The following IL1RAP variants were observed in gnomAD, a reference collection of about 807,000 sequenced individuals.
IL1RAP encodes interleukin 1 receptor accessory protein.
Under a neutral mutation model 60.7 loss-of-function variants are expected in IL1RAP, and 35 were observed. The observed-to-expected ratio is 0.58, with a 90% CI of 0.44 to 0.76. The LOEUF is 0.76. Among genes scored for constraint, IL1RAP ranks in the 30% least tolerant of loss-of-function variants. IL1RAP has a pLI of 0.00. For missense variants in IL1RAP, 572 were observed against 693.9 expected (o/e 0.82, Z 1.97); for synonymous variants, 268 against 250.9 (o/e 1.07, Z -0.64).
chr3:190,561,047 C>G (rs867571896), intron 2 of IL1RAP, among the ~76,000 whole-genome samples: 2 of 152,194 alleles, frequency 1.3e-5, no homozygotes, highest in East Asian at 3.9e-4. Context: ...AGGTTAGAAT[C>G]ATCTGAAGCA....
At chr3:190,552,449 T>C (rs1255350965) in intron 1 of IL1RAP, among the ~76,000 whole-genome samples, 1 of 152,226 alleles carries the variant, frequency 6.6e-6, no homozygotes, top group Admixed American at 6.5e-5. Flanking sequence ...TCTTATCTAA[T>C]TTAAAATAAT....
intron 1 of IL1RAP, among the ~76,000 whole-genome samples, chr3:190,532,962 C>T (rs1723118885): frequency 6.6e-6 from 1 of 152,290 alleles, no homozygotes; most frequent in South Asian, 2.1e-4. Flanking sequence ...ATGACATTCT[C>T]ATTTCCTCAG....
intron 2 of IL1RAP, among the ~76,000 whole-genome samples, chr3:190,560,822 A>G (rs905003156): frequency 1.3e-5 from 2 of 152,234 alleles, no homozygotes; most frequent in African/African-American, 4.8e-5. Context: ...GGTGCTGAGC[A>G]CGTGAAGACC....
chr3:190,578,485 G>C (rs1451795888), intron 3 of IL1RAP, among the ~76,000 whole-genome samples: 1 of 152,192 alleles, frequency 6.6e-6, no homozygotes. Flanking sequence ...CTTTGTAATG[G>C]AAAATAGATA....
chr3:190,611,339 G>A (rs1480776912), intron 5 of IL1RAP, among the ~76,000 whole-genome samples: 1 of 152,092 alleles, frequency 6.6e-6, no homozygotes, highest in African/African-American at 2.4e-5. Flanking sequence ...TTTTGCAGGA[G>A]ATATATAAAT....
intron 9 of IL1RAP, among the ~76,000 whole-genome samples, chr3:190,641,524 C>T (rs1415210746): frequency 2.6e-5 from 4 of 152,052 alleles, no homozygotes; most frequent in Admixed American, 1.3e-4. Context: ...GATTGCTCTA[C>T]AAAATACAGT....
chr3:190,604,519 A>C (rs1192970887), intron 4 of IL1RAP, 106 bp downstream of exon 4: 2 of 1,215,256 alleles, frequency 1.6e-6, no homozygotes, highest in Non-Finnish European at 2.3e-6. Flanking sequence ...AAGCATTTAG[A>C]TAGAGTTTAG....
Position 190,612,007 on chromosome 3 carries a change from T to A in IL1RAP, c.537+2826T>A, listed in dbSNP as rs567333197. On this transcript the variant is annotated intron_variant, in intron 5 of 11. Coordinates refer to ENST00000447382, the MANE Select transcript of IL1RAP (RefSeq NM_002182.4). The stretch of plus-strand genomic sequence containing the variant: ...CAATACTAATGTTACTAATAAATTA[T>A]TACTTTTTAAACTTGATAATGGTAC... Among the ~76,000 whole-genome samples, 10 of 152,316 alleles carry A rather than the reference T, an allele frequency of 6.6e-5. No individual in the cohort carries two copies. In the South Asian group the frequency reaches 2.1e-3, roughly 32 times the overall value.
At chr3:190,552,076 C>T (rs1167760084) in intron 1 of IL1RAP, among the ~76,000 whole-genome samples, 1 of 152,002 alleles carries the variant, frequency 6.6e-6, no homozygotes. Flanking sequence ...TTGAAGTATC[C>T]AAAAAGCCAG....
intron 7 of IL1RAP, 53 bp from the exon 8 acceptor site, chr3:190,627,269 GT>G: frequency 7.2e-7 from 1 of 1,390,448 alleles, no homozygotes; most frequent in Non-Finnish European, 9.7e-7. Flanking sequence ...GTTTTGTTTT[GT>G]TTTGTTTTGT....
At chr3:190,640,270 T>C (rs967146161) in intron 9 of IL1RAP, among the ~76,000 whole-genome samples, 1 of 152,212 alleles carries the variant, frequency 6.6e-6, no homozygotes, top group African/African-American at 2.4e-5. Flanking sequence ...GTCTTTTCTC[T>C]CACAGATCAC....
intron 3 of IL1RAP, among the ~76,000 whole-genome samples, chr3:190,576,175 T>C (rs10937440): frequency 0.68 from 103,273 of 152,108 alleles, 35,611 homozygotes; most frequent in East Asian, 1. Context: ...TACATGCAAA[T>C]ATTTATTATA....
At chr3:190,637,296 CA>C (rs1391422780) in intron 9 of IL1RAP, among the ~76,000 whole-genome samples, 1 of 152,118 alleles carries the variant, frequency 6.6e-6, no homozygotes, top group African/African-American at 2.4e-5. Flanking sequence ...CTGCTGGTGA[CA>C]AATTCTCTCA....
At chr3:190,647,059 T>C (rs1487665420) in intron 11 of IL1RAP, among the ~76,000 whole-genome samples, 4 of 152,228 alleles carry the variant, frequency 2.6e-5, no homozygotes, top group African/African-American at 9.6e-5. Context: ...CTTTGAAGAA[T>C]TCACATTCTG....
intron 7 of IL1RAP, 65 bp from the exon 8 acceptor site, chr3:190,627,252 GTTTTTT>G (rs1732371173): frequency 1.6e-6 from 2 of 1,216,836 alleles, no homozygotes; most frequent in African/African-American, 4.9e-5. Context: ...CTTTGTCTTT[GTTTTTT>G]GTTTTGTTTT....
chr3:190,568,614 T>C (rs1726630613), intron 3 of IL1RAP, among the ~76,000 whole-genome samples: 1 of 152,212 alleles, frequency 6.6e-6, no homozygotes, highest in African/African-American at 2.4e-5. Flanking sequence ...CTGTGACTTG[T>C]TTGATGACAG....
chr3:190,579,574 A>G (rs1727806037), intron 3 of IL1RAP, among the ~76,000 whole-genome samples: 1 of 152,068 alleles, frequency 6.6e-6, no homozygotes. Context: ...CTACCTTTTT[A>G]TTACTGAGGA....
Position 190,600,982 on chromosome 3 carries a change from T to G in IL1RAP, c.65-3146T>G, listed in dbSNP as rs376061135. On this transcript the variant is annotated intron_variant, in intron 3 of 11. Coordinates refer to ENST00000447382, the MANE Select transcript of IL1RAP (RefSeq NM_002182.4). ...ATTATGTATTAAACATTATTTTAAT[T>G]TTCTTTTCTTTTCTTTTTTTGAAAC... is the stretch of plus-strand genomic sequence containing the variant. 3.4e-3 allele frequency among the ~76,000 whole-genome samples: 511 copies of G among 152,284 alleles called. 2 individuals carry two copies. Among genetic ancestry groups the G allele is most frequent in the African/African-American group, 0.011 (466 of 41,566 alleles).
intron 3 of IL1RAP, among the ~76,000 whole-genome samples, chr3:190,580,276 A>C (rs542716559): frequency 4.7e-4 from 72 of 152,342 alleles, no homozygotes; most frequent in African/African-American, 1.7e-3. Flanking sequence ...CTCATGTTCA[A>C]CTGATTTCAG....
Sources: allele counts gnomAD v4.1 joint callset (sites outside exome capture counted in the v4.1 genomes callset), GRCh38; gene constraint gnomAD v4.1.1; transcripts MANE v1.5; gene names NCBI Gene and HGNC (gene_info 2026-07-23, HGNC 2026-07-21).